Variants in RASGEF1A observed in about 807,000 individuals in gnomAD.
The protein encoded by RASGEF1A is ras-GEF domain-containing family member 1A.
Under a neutral mutation model 56.4 loss-of-function variants are expected in RASGEF1A, and 18 were observed. That is an observed-to-expected ratio of 0.32 (90% confidence interval 0.22 to 0.47). The LOEUF is 0.47. RASGEF1A is among the 20% of genes least tolerant of loss of function. RASGEF1A has a pLI of 1.00. For synonymous variants in RASGEF1A, 245 were observed against 242.6 expected (o/e 1.01, Z -0.09); for missense variants, 422 against 627.1 (o/e 0.67, Z 3.49).
intron 1 of RASGEF1A, among the ~76,000 whole-genome samples, chr10:43,239,912 C>T (rs536544756): frequency 3.4e-5 from 5 of 147,394 alleles, no homozygotes; most frequent in African/African-American, 7.3e-5. Flanking sequence ...AATAGACTAA[C>T]CAGAAAGCTT....
chr10:43,244,874 T>C (rs1840552609), intron 1 of RASGEF1A, among the ~76,000 whole-genome samples: 1 of 151,730 alleles, frequency 6.6e-6, no homozygotes, highest in Non-Finnish European at 1.5e-5. Context: ...CAGAAAGTTC[T>C]CAAATCAACA....
Position 43,200,844 on chromosome 10 carries a change from G to T in RASGEF1A, c.504C>A (p.Ser168Arg). The T allele has an allele frequency of 6.2e-7, 1 of 1,614,072 alleles. No homozygotes were observed. The highest frequency in any genetic ancestry group is 8.5e-7 in the Non-Finnish European group (1 of 1,180,036). ...TCCGGGCAGCCAAGGACAGCAACAGGCTCTGTGTCATCTGGGCAATGGCCT... is the reference window on the plus strand; with the variant it reads ...TCCGGGCAGCCAAGGACAGCAACAGTCTCTGTGTCATCTGGGCAATGGCCT... The part of the protein sequence containing the change: ...VKKAIAQMTQ[S>R]LLLSLAARSQ... Residue 168 changes from serine to arginine, a missense_variant, in exon 5 of 13, where the codon AGC becomes AGA. Around this residue, in one of 2 missense-constraint regions of RASGEF1A, gnomAD observed 273 missense variants for 339.9 expected, o/e 0.80. Coordinates refer to ENST00000395810, the MANE Select transcript of RASGEF1A (RefSeq NM_145313.4).
chr10:43,233,377 T>C lies in RASGEF1A; in HGVS notation c.-6-27255A>G, dbSNP rs867814797. Among the ~76,000 whole-genome samples, 5 of 152,204 alleles carry C rather than the reference T, an allele frequency of 3.3e-5. No homozygotes were observed. The South Asian group carries it at 6.2e-4, about 19-fold the overall frequency. On this transcript the variant is annotated intron_variant, in intron 1 of 12. Transcript: ENST00000395810. The stretch of plus-strand genomic sequence containing the variant: ...GTGTGAATAAGGATATGGTTGTATA[T>C]ATCCAGCACAGGACTCATATCCAAA...
chr10:43,200,871 C>T lies in RASGEF1A; in HGVS notation c.477G>A (p.Lys159=), dbSNP rs1465288317. The T allele has an allele frequency of 6.2e-7, 1 of 1,613,952 alleles. No homozygotes were observed. Among genetic ancestry groups the T allele is most frequent in the Admixed American group, 1.7e-5 (1 of 60,026 alleles). Reference sequence around the variant, plus strand: ...TCTGTGTCATCTGGGCAATGGCCTTCTTCACTGTGCCATTCTCCTGTGGGG... The same window carrying T: ...TCTGTGTCATCTGGGCAATGGCCTTTTTCACTGTGCCATTCTCCTGTGGGG... ...TQCDEENGTV[K]KAIAQMTQSL... is the part of the protein sequence containing the mutation. The change falls in exon 5 of 13, where the codon AAG becomes AAA. Residue 159 remains lysine, a synonymous_variant. Coordinates refer to ENST00000395810, the MANE Select transcript of RASGEF1A (RefSeq NM_145313.4).
intron 1 of RASGEF1A, among the ~76,000 whole-genome samples, chr10:43,254,197 G>C (rs1840659111): frequency 6.6e-6 from 1 of 152,226 alleles, no homozygotes; most frequent in African/African-American, 2.4e-5. Context: ...GGACACTTCA[G>C]GGAGGGCGGG....
chr10:43,203,361 C>A lies in RASGEF1A; in HGVS notation c.258G>T (p.Leu86=). ...CGCAGATCTGCCCCACGCGGGCCAG[C>A]AGGTCATGAGGGGGCATAAAGACCC... ...SSRVFMPPHD[L]LARVGQICVE... Residue 86 remains leucine (L), a synonymous_variant, in exon 3 of 13, where the codon CTG becomes CTT. Transcript: ENST00000395810. 1.3e-6 allele frequency: 2 copies of A among 1,587,440 alleles called. No individual in the cohort carries two copies. The highest frequency in any genetic ancestry group is 2.3e-5 in the East Asian group (1 of 43,656).
chr10:43,217,773 C>T (rs1840157278), intron 1 of RASGEF1A, among the ~76,000 whole-genome samples: 1 of 152,238 alleles, frequency 6.6e-6, no homozygotes, highest in African/African-American at 2.4e-5. Flanking sequence ...AACCGGGCTG[C>T]ATCCACCTCC....
Position 43,196,216 on chromosome 10 carries a change from T to C in RASGEF1A, c.*28A>G, listed in dbSNP as rs1001830504. 6.2e-7 allele frequency: 1 copy of C among 1,611,032 alleles called. No individual in the cohort carries two copies. Among genetic ancestry groups the C allele is most frequent in the African/African-American group, 1.3e-5 (1 of 74,832 alleles). The stretch of plus-strand genomic sequence containing the variant: ...TTTAAACCCAGTTAGTGCACGTGCT[T>C]CCTCTGGCGTCGCGGGCTGCATCCG... On this transcript the variant is annotated 3_prime_UTR_variant, in exon 13 of 13. Transcript: ENST00000395810. The surrounding 1 kb of genome is among the most constrained non-coding windows in gnomAD (Gnocchi z 4.6).
At chr10:43,216,800 T>A (rs1017338757) in intron 1 of RASGEF1A, among the ~76,000 whole-genome samples, 4 of 152,072 alleles carry the variant, frequency 2.6e-5, no homozygotes, top group African/African-American at 9.7e-5. Context: ...AGAACCTGCA[T>A]GGGGTGGCAG....
rs111938081 is a variant in RASGEF1A at position 43,215,712 on chromosome 10, G to A, written c.-6-9590C>T. Among the ~76,000 whole-genome samples, 626 of 152,288 alleles carry A rather than the reference G, an allele frequency of 4.1e-3. 3 individuals carry two copies. The highest frequency in any genetic ancestry group is 0.014 in the African/African-American group (581 of 41,570). On this transcript the variant is annotated intron_variant, in intron 1 of 12. Transcript: ENST00000395810. ...CTGCCTAGATACTGGAGATACACCA[G>A]GGGAAAAAAACAGGGTTCTCTGGCC...
At position 43,205,994 on chromosome 10, in the gene RASGEF1A, T is replaced by C. The variant is rs1402262530; in HGVS notation, c.123A>G (p.Gln41=). ...GGGACCCAGAGATGAGGTGTCCATC[T>C]TGGAAGATGAGGTCCCCGGAGCCGC... ...AGGGSGDLIF[Q]DGHLISGSLE... The change falls in exon 2 of 13, where the codon CAA becomes CAG. Residue 41 remains glutamine, a synonymous_variant. Transcript: ENST00000395810. 3 of 1,612,930 alleles carry C rather than the reference T, an allele frequency of 1.9e-6. No homozygotes were observed. Among genetic ancestry groups the C allele is most frequent in the Non-Finnish European group, 1.7e-6 (2 of 1,179,938 alleles).
intron 1 of RASGEF1A, among the ~76,000 whole-genome samples, chr10:43,263,596 A>G (rs537787367): frequency 1.0e-3 from 156 of 151,646 alleles, no homozygotes; most frequent in South Asian, 3.4e-3. Flanking sequence ...TTCACAAAGA[A>G]CCCCACAGCC....
At chr10:43,197,336 G>A (rs746235060) in intron 10 of RASGEF1A, among the ~76,000 whole-genome samples, 29 of 152,206 alleles carry the variant, frequency 1.9e-4, no homozygotes, top group Non-Finnish European at 3.1e-4. Flanking sequence ...CCATCAGGCC[G>A]GCAGCAGGGT....
chr10:43,256,674 G>T (rs963492470), intron 1 of RASGEF1A, among the ~76,000 whole-genome samples: 5 of 152,166 alleles, frequency 3.3e-5, no homozygotes, highest in Admixed American at 1.3e-4. Context: ...TTCTCTCCAC[G>T]TTGGGGCTGA....
At chr10:43,249,840 C>T (rs371919940) in intron 1 of RASGEF1A, among the ~76,000 whole-genome samples, 35 of 152,362 alleles carry the variant, frequency 2.3e-4, no homozygotes, top group African/African-American at 7.0e-4. Context: ...CCGGCCCCCA[C>T]GCCAGGAAGC....
At chr10:43,210,370 G>A (rs1452917295) in intron 1 of RASGEF1A, among the ~76,000 whole-genome samples, 2 of 152,166 alleles carry the variant, frequency 1.3e-5, no homozygotes, top group Non-Finnish European at 2.9e-5. Context: ...GCTACTTGGG[G>A]AGCTGAGGCA....
Position 43,201,891 on chromosome 10 carries a change from C to T in RASGEF1A, c.376G>A (p.Glu126Lys), listed in dbSNP as rs770211056. ...TCCTGGAAGTCATAGGGGAAGGCCT[C>T]GGTCCACTCCTTCAGGAGCTGCACG... Reference protein sequence around the residue: ...KIVQLLKEWTEAFPYDFQDEK... With the variant: ...KIVQLLKEWTKAFPYDFQDEK... Residue 126 changes from glutamate (E) to lysine (K), a missense_variant, in exon 4 of 13, where the codon GAG becomes AAG. Physicochemically the swap from Glu to Lys is moderately conservative, Grantham distance 56. This residue lies in a region of RASGEF1A where 273 missense variants were observed against 339.9 expected (regional missense o/e 0.80). Coordinates refer to ENST00000395810, the MANE Select transcript of RASGEF1A (RefSeq NM_145313.4). The T allele has an allele frequency of 4.3e-6, 7 of 1,611,946 alleles. No homozygotes were observed. The highest frequency in any genetic ancestry group is 3.3e-5 in the Admixed American group (2 of 59,856).
At chr10:43,249,549 GC>G (rs1840603789) in intron 1 of RASGEF1A, among the ~76,000 whole-genome samples, 1 of 152,210 alleles carries the variant, frequency 6.6e-6, no homozygotes, top group Non-Finnish European at 1.5e-5. Flanking sequence ...GGCTGGCTCT[GC>G]TCCCCCAGGC....
At chr10:43,199,540 C>T (rs1839858775) in intron 7 of RASGEF1A, 136 bp downstream of exon 7, 1 of 722,938 alleles carries the variant, frequency 1.4e-6, no homozygotes, top group East Asian at 2.7e-5. Flanking sequence ...TGGGGGACCA[C>T]CAAGGCCCTG....
Sources: allele counts gnomAD v4.1 joint callset (sites outside exome capture counted in the v4.1 genomes callset), GRCh38; gene constraint gnomAD v4.1.1; regional missense constraint gnomAD v4.1.1; non-coding constraint Gnocchi (gnomAD v3.1); transcripts MANE v1.5; gene names NCBI Gene and HGNC (gene_info 2026-07-23, HGNC 2026-07-21).